ZZEF1: variants seen among roughly 807,000 people sequenced by gnomAD.
ZZEF1 encodes the protein zinc finger ZZ-type and EF-hand domain containing 1, also known as zinc finger ZZ-type and EF-hand domain-containing protein 1.
In ZZEF1, 157 loss-of-function variants were observed where a neutral mutation model predicts 342.8. The ratio of observed to expected loss-of-function variants is 0.46; its 90% CI spans 0.40 to 0.52. The LOEUF (loss-of-function observed/expected upper bound fraction) is 0.52, where lower values mean the gene tolerates loss of function less well. Among genes scored for constraint, ZZEF1 ranks in the 20% least tolerant of loss-of-function variants. The pLI is 0.00. For missense variants in ZZEF1, 3,480 were observed against 3,725.6 expected, an observed-to-expected ratio of 0.93 and a Z score of 1.72; for synonymous variants, 1,505 against 1,429.1, an observed-to-expected ratio of 1.05 and a Z score of -1.20.
intron 39 of ZZEF1, among the ~76,000 whole-genome samples, chr17:4,036,147 T>C (rs1253003089): frequency 6.6e-6 from 1 of 150,890 alleles, no homozygotes; most frequent in Non-Finnish European, 1.5e-5. Context: ...GCAGCAGAGA[T>C]GTGAGACTGA....
rs2056127609 is a variant in ZZEF1 at position 4,017,181 on chromosome 17, G to T, written c.8001+190C>A. 1 of 736,976 alleles carries T rather than the reference G, an allele frequency of 1.4e-6. No homozygotes were observed. Among genetic ancestry groups the T allele is most frequent in the African/African-American group, 1.8e-5 (1 of 56,496 alleles). The allele number at this position is 736,976 out of a possible 1,614,324, so 45.7% of individuals were successfully genotyped here. ...TGGTTCAGCTGGAAATCGCGCTCAGGGCCCCTGAGTTCCTCACTAGCCCAA... is the reference window on the plus strand; with the variant it reads ...TGGTTCAGCTGGAAATCGCGCTCAGTGCCCCTGAGTTCCTCACTAGCCCAA... On this transcript the variant is annotated intron_variant, in intron 48 of 54. Coordinates refer to ENST00000381638, the MANE Select transcript of ZZEF1 (RefSeq NM_015113.4). The surrounding 1 kb of genome is among the most constrained non-coding windows in gnomAD (Gnocchi z 5.1).
intron 24 of ZZEF1, chr17:4,072,965 G>C (rs1183082507): frequency 2.4e-6 from 1 of 419,612 alleles, no homozygotes; most frequent in Non-Finnish European, 4.1e-6. Context: ...CTGCTGCTCT[G>C]TGGAACAACT....
Position 4,066,609 on chromosome 17 carries a change from A to T in ZZEF1, c.4156-69T>A, listed in dbSNP as rs375286631. On this transcript the variant is annotated intron_variant, in intron 27 of 54. Coordinates refer to ENST00000381638, the MANE Select transcript of ZZEF1 (RefSeq NM_015113.4). ...GAAGCAAGGACAGCCATGGCAAACT[A>T]CTTCAAAAGCACACAGCACTGACAC... The T allele has an allele frequency of 1.7e-4, 226 of 1,363,876 alleles. 1 individual carries two copies. In the South Asian group the frequency reaches 2.5e-3, roughly 15 times the overall value. The allele number at this position is 1,363,876 out of a possible 1,614,324, so 84.5% of individuals were successfully genotyped here. A position where few individuals can be genotyped will look rare whatever the true frequency, so the allele number is the denominator to read the frequency against.
chr17:4,009,195 C>G, intron 53 of ZZEF1: 1 of 586,364 alleles, frequency 1.7e-6, no homozygotes, highest in East Asian at 2.9e-5. Flanking sequence ...CCTCCTCAAG[C>G]CAGTTTCCTC....
intron 37 of ZZEF1, among the ~76,000 whole-genome samples, chr17:4,046,406 G>A (rs1370846157): frequency 1.3e-5 from 2 of 152,190 alleles, no homozygotes; most frequent in Non-Finnish European, 2.9e-5. Context: ...TGGCTACATG[G>A]GAAGTGTTAT....
Position 4,076,999 on chromosome 17 carries a change from C to CA in ZZEF1, c.2990-11dup. On this transcript the variant is annotated splice_polypyrimidine_tract_variant and intron_variant, in intron 19 of 54. Coordinates refer to ENST00000381638, the MANE Select transcript of ZZEF1 (RefSeq NM_015113.4). Reference sequence around the variant, plus strand: ...AGAAACTGGCCCACATCTACCGAAACAAAGAAAATAATTAATATATTATAT... The same window carrying CA: ...AGAAACTGGCCCACATCTACCGAAACAAAAGAAAATAATTAATATATTATAT... 1 of 1,607,346 alleles carries CA rather than the reference C, an allele frequency of 6.2e-7. No individual in the cohort carries two copies. The highest frequency in any genetic ancestry group is 1.3e-5 in the African/African-American group (1 of 74,620).
chr17:4,078,581 A>C (rs1422485248), intron 18 of ZZEF1, among the ~76,000 whole-genome samples: 1 of 152,244 alleles, frequency 6.6e-6, no homozygotes, highest in Admixed American at 6.5e-5. Flanking sequence ...AATGGTGAAC[A>C]CAAGCTTCGG....
At position 4,097,046 on chromosome 17, in the gene ZZEF1, G is replaced by C. The variant is rs571049247; in HGVS notation, c.1673-346C>G. 2.6e-5 allele frequency among the ~76,000 whole-genome samples: 4 copies of C among 152,144 alleles called. No homozygotes were observed. In the East Asian group the frequency reaches 7.7e-4, roughly 29 times the overall value. ...GGAGGCCGAGGCGGGTGGATCACGA[G>C]ATCAGGAGACGGAGACCATCCTGGC... On this transcript the variant is annotated intron_variant, in intron 9 of 54. Transcript: ENST00000381638.
At position 4,142,664 on chromosome 17, in the gene ZZEF1, C is replaced by G. The variant is rs1453823448; in HGVS notation, c.232G>C (p.Gly78Arg). Residue 78 changes from glycine to arginine, a missense_variant, in exon 1 of 55, where the codon GGC (glycine) becomes CGC (arginine). By Grantham distance (125) the Gly-to-Arg change is moderately radical. Around this residue, in one of 5 missense-constraint regions of ZZEF1, gnomAD observed 416 missense variants for 374.2 expected, o/e 1.11. Transcript: ENST00000381638. ...TCTTCCAGCCAGCGAAACAACGCGC[C>G]GCGATGCCTCGACACCAGCGACTCG... ...PCESLVSRHR[G>R]ALFRWLEERL... is the part of the protein sequence containing the mutation. 6.2e-7 allele frequency: 1 copy of G among 1,607,300 alleles called. No individual in the cohort carries two copies. Among genetic ancestry groups the G allele is most frequent in the African/African-American group, 1.3e-5 (1 of 74,894 alleles).
chr17:4,072,428 G>A (rs1177328482), intron 25 of ZZEF1, among the ~76,000 whole-genome samples, 180 bp downstream of exon 25: 2 of 152,162 alleles, frequency 1.3e-5, no homozygotes, highest in East Asian at 1.9e-4. Flanking sequence ...CACCTATTGC[G>A]CACTGGCCCC....
intron 18 of ZZEF1, among the ~76,000 whole-genome samples, chr17:4,079,509 C>CA (rs2057683570): frequency 6.6e-6 from 1 of 152,038 alleles, no homozygotes; most frequent in Non-Finnish European, 1.5e-5. Context: ...AAGGAAGACT[C>CA]AGAGATGGGC....
Position 4,021,154 on chromosome 17 carries a change from T to G in ZZEF1, c.7379A>C (p.Asp2460Ala). The G allele has an allele frequency of 6.2e-7, 1 of 1,613,278 alleles. No homozygotes were observed. The highest frequency in any genetic ancestry group is 8.5e-7 in the Non-Finnish European group (1 of 1,179,596). ...QKKLDPLEGL[D>A]EPTRICFLMA... ...CAAGAAACATATTCTGGTGGGCTCATCCAGGCCCTCAAGGGGGTCCAGCTT... is the reference window on the plus strand; with the variant it reads ...CAAGAAACATATTCTGGTGGGCTCAGCCAGGCCCTCAAGGGGGTCCAGCTT... Residue 2460 changes from aspartate to alanine, a missense_variant, in exon 45 of 55, where the codon GAT becomes GCT. By Grantham distance (126) the Asp-to-Ala change is moderately radical. Around this residue, in one of 5 missense-constraint regions of ZZEF1, gnomAD observed 1,269 missense variants for 1,342.4 expected, o/e 0.95. Coordinates refer to ENST00000381638, the MANE Select transcript of ZZEF1 (RefSeq NM_015113.4).
At position 4,090,707 on chromosome 17, in the gene ZZEF1, A is replaced by G. The variant is rs1238887367; in HGVS notation, c.2025+12T>C. ...AAGGAGGGGAGTGGGCAAACGACGC[A>G]CTAATGCTTACTTTGGCAACTCTGC... On this transcript the variant is annotated intron_variant, in intron 12 of 54. Transcript: ENST00000381638. The G allele has an allele frequency of 6.2e-7, 1 of 1,609,316 alleles. No individual in the cohort carries two copies. Among genetic ancestry groups the G allele is most frequent in the Non-Finnish European group, 8.5e-7 (1 of 1,175,946 alleles).
intron 28 of ZZEF1, among the ~76,000 whole-genome samples, chr17:4,065,354 G>A (rs1297460106): frequency 6.6e-6 from 1 of 151,634 alleles, no homozygotes; most frequent in Non-Finnish European, 1.5e-5. Context: ...CCGAGATCAT[G>A]CCACTGCATT....
In ZZEF1 at chr17:4,049,721, G is replaced by A. The variant is rs1171969605; in HGVS notation, c.6002C>T (p.Ser2001Leu). Residue 2001 changes from serine to leucine, a missense_variant, in exon 37 of 55, where the codon TCA becomes TTA. By Grantham distance (145) the Ser-to-Leu change is moderately radical. Transcript: ENST00000381638. ...EKKAVQGAEL[S>L]EAGNGKRAVH... is the part of the protein sequence containing the mutation. ...ATCGTCATTTACATTGCCTGCTTCT[G>A]ACAGCTCAGCACCCTGGACAGCTTT... The A allele has an allele frequency of 6.2e-7, 1 of 1,614,038 alleles. No individual in the cohort carries two copies. Among genetic ancestry groups the A allele is most frequent in the South Asian group, 1.1e-5 (1 of 91,058 alleles).
chr17:4,073,023 GA>G (rs1280394702), intron 24 of ZZEF1, among the ~76,000 whole-genome samples: 8 of 152,176 alleles, frequency 5.3e-5, no homozygotes, highest in Non-Finnish European at 1.0e-4. Context: ...ATAGTAAGCT[GA>G]AAATAGGATA....
chr17:4,133,381 C>T, intron 1 of ZZEF1, among the ~76,000 whole-genome samples: 1 of 152,190 alleles, frequency 6.6e-6, no homozygotes, highest in East Asian at 1.9e-4. Context: ...CTTCAGGGTT[C>T]ATGTTCTTCA....
Position 4,117,018 on chromosome 17 carries a change from A to C in ZZEF1, c.648T>G (p.Ser216=). The part of the protein sequence containing the change: ...EHCNNMCTMR[S]SVLKESLDQL... ...GATCCAGAGACTCCTTCAGGACGGA[A>C]GACCGCATGGTGCACATGTTATTGC... is the stretch of plus-strand genomic sequence containing the variant. Residue 216 remains serine, a synonymous_variant, in exon 3 of 55, where the codon TCT becomes TCG. Transcript: ENST00000381638. 1 of 1,613,626 alleles carries C rather than the reference A, an allele frequency of 6.2e-7. No homozygotes were observed. The highest frequency in any genetic ancestry group is 8.5e-7 in the Non-Finnish European group (1 of 1,179,696).
intron 3 of ZZEF1, 39 bp downstream of exon 3, chr17:4,116,933 G>T (rs772364484): frequency 2.0e-6 from 3 of 1,513,994 alleles, no homozygotes; most frequent in Admixed American, 2.1e-5. Context: ...TAGAAGAAAT[G>T]ATCAGAGTAT....
Sources: allele counts gnomAD v4.1 joint callset (sites outside exome capture counted in the v4.1 genomes callset), GRCh38; gene constraint gnomAD v4.1.1; regional missense constraint gnomAD v4.1.1; non-coding constraint Gnocchi (gnomAD v3.1); transcripts MANE v1.5; gene names NCBI Gene and HGNC (gene_info 2026-07-23, HGNC 2026-07-21).